The following ART4 variants were observed in gnomAD, a reference collection of about 807,000 sequenced individuals.
ART4 encodes the protein ecto-ADP-ribosyltransferase 4.
In ART4, 14 loss-of-function variants were observed where a neutral mutation model predicts 24.2. The observed-to-expected ratio is 0.58, with a 90% CI of 0.38 to 0.90. The LOEUF is 0.90. ART4 is among the 40% of genes least tolerant of loss of function. The probability of loss-of-function intolerance (pLI) is 0.00; values close to 1 mark genes in which losing one functional copy is unlikely to be tolerated. For missense variants in ART4, 356 were observed against 366.6 expected, an observed-to-expected ratio of 0.97 and a Z score of 0.24; for synonymous variants, 145 against 139.9, an observed-to-expected ratio of 1.04 and a Z score of -0.26.
intron 2 of ART4, among the ~76,000 whole-genome samples, chr12:14,832,767 A>G (rs956337010): frequency 1.3e-5 from 2 of 152,238 alleles, no homozygotes; most frequent in African/African-American, 4.8e-5. Flanking sequence ...CTTCAAAAAA[A>G]TTCATAAGTC....
intron 2 of ART4, among the ~76,000 whole-genome samples, chr12:14,832,271 G>T (rs11056198): frequency 6.6e-6 from 1 of 151,874 alleles, no homozygotes; most frequent in Non-Finnish European, 1.5e-5. Context: ...TCTCATTCCC[G>T]TACACTGGCA....
At position 14,843,216 on chromosome 12, in the gene ART4, GT is replaced by G; in HGVS notation, c.-104del. 6.8e-7 allele frequency: 1 copy of G among 1,467,370 alleles called. No homozygotes were observed. The allele number at this position is 1,467,370 out of a possible 1,614,324, so 90.9% of individuals were successfully genotyped here. ...TTTTCTTTCAGTCTCATCCGTAACC[GT>G]TTTTTCCCCTGTCTATGCTGAGCAA... On this transcript the variant is annotated 5_prime_UTR_variant, in exon 1 of 3. Coordinates refer to ENST00000228936, the MANE Select transcript of ART4 (RefSeq NM_021071.4).
intron 2 of ART4, 75 bp from the exon 3 acceptor site, chr12:14,829,537 C>A: frequency 1.0e-6 from 1 of 990,958 alleles, no homozygotes; most frequent in Non-Finnish European, 1.5e-6. Flanking sequence ...ATCCATTGAT[C>A]CACTTACTTA....
chr12:14,831,717 A>T (rs1022885924), intron 2 of ART4, among the ~76,000 whole-genome samples: 1 of 151,936 alleles, frequency 6.6e-6, no homozygotes, highest in African/African-American at 2.4e-5. Context: ...CCTCAAATTT[A>T]TCTTTCCATC....
rs967836671 is a variant in ART4 at position 14,827,674 on chromosome 12, T to C, written c.*1697A>G. The C allele has an allele frequency of 1.3e-5, 2 of 152,274 alleles. No individual in the cohort carries two copies. Among genetic ancestry groups the C allele is most frequent in the Admixed American group, 1.3e-4 (2 of 15,272 alleles). 9.4% of individuals were successfully genotyped at this position (152,274 alleles called of 1,614,324 possible). A position where few individuals can be genotyped will look rare whatever the true frequency, so the allele number is the denominator to read the frequency against. Reference sequence around the variant, plus strand: ...TCCTCGGCCTCCCAAAGTGCTGGGATTACAGGGGTGAGCCACCATGCCTGG... The same window carrying C: ...TCCTCGGCCTCCCAAAGTGCTGGGACTACAGGGGTGAGCCACCATGCCTGG... On this transcript the variant is annotated 3_prime_UTR_variant, in exon 3 of 3. Transcript: ENST00000228936.
At position 14,842,976 on chromosome 12, in the gene ART4, A is replaced by T; in HGVS notation, c.138T>A (p.Gly46=). ...CCCTCAATTGTCCCCCTACCTCAGA[A>T]CCCTCTGTGGGTCTCTGCAGGCCAG... is the stretch of plus-strand genomic sequence containing the variant. ...LLSGLQRPTE[G]SEVAIKIDFD... is the part of the protein sequence containing the mutation. The change falls in exon 1 of 3, where the codon GGT becomes GGA. Residue 46 remains glycine (G), a synonymous_variant. Transcript: ENST00000228936. 1.9e-6 allele frequency: 3 copies of T among 1,611,886 alleles called. No individual in the cohort carries two copies. Among genetic ancestry groups the T allele is most frequent in the Non-Finnish European group, 2.5e-6 (3 of 1,179,118 alleles).
chr12:14,829,466 T>TA lies in ART4; in HGVS notation c.854-5dup, dbSNP rs779626680. On this transcript the variant is annotated splice_polypyrimidine_tract_variant and splice_region_variant and intron_variant, in intron 2 of 2. Coordinates refer to ENST00000228936, the MANE Select transcript of ART4 (RefSeq NM_021071.4). ...GGGATGCATTTCTTGCTGGAAGCTG[T>TA]AAAAAACAAAACAAAGGAAATATTT... 2 of 1,602,542 alleles carry TA rather than the reference T, an allele frequency of 1.2e-6. No individual in the cohort carries two copies.
chr12:14,832,813 CT>C (rs969204174), intron 2 of ART4, among the ~76,000 whole-genome samples: 17 of 152,034 alleles, frequency 1.1e-4, no homozygotes, highest in African/African-American at 4.1e-4. Context: ...AAATAGCTTC[CT>C]TTTGATTTTA....
chr12:14,836,701 TAGTC>T lies in ART4; in HGVS notation c.853+3740_853+3743del, dbSNP rs373912868. 1.8e-4 allele frequency among the ~76,000 whole-genome samples: 27 copies of T among 152,266 alleles called. No individual in the cohort carries two copies. In the East Asian group the frequency reaches 4.4e-3, roughly 25 times the overall value. On this transcript the variant is annotated intron_variant, in intron 2 of 2. Coordinates refer to ENST00000228936, the MANE Select transcript of ART4 (RefSeq NM_021071.4). ...ATGGACCAGCCTTCTCTGCAACCCT[TAGTC>T]AGAGTCTGGGATCAAAGGAAGAAAG...
At chr12:14,841,633 A>C (rs1339858892) in intron 1 of ART4, among the ~76,000 whole-genome samples, 5 of 152,180 alleles carry the variant, frequency 3.3e-5, no homozygotes, top group Non-Finnish European at 5.9e-5. Flanking sequence ...ATAAGTAACA[A>C]CCTTCTTGTC....
rs536154601 is a variant in ART4 at position 14,838,874 on chromosome 12, G to T, written c.853+1571C>A. Among the ~76,000 whole-genome samples the T allele has an allele frequency of 1.1e-3, 166 of 151,120 alleles. 1 individual carries two copies. In the Middle Eastern group the frequency reaches 0.014, roughly 13 times the overall value. ...AACTGGGTTCCAGCTGACTGTGAGT[G>T]TGAATAAATTTACATATGAACAGTC... On this transcript the variant is annotated intron_variant, in intron 2 of 2. Coordinates refer to ENST00000228936, the MANE Select transcript of ART4 (RefSeq NM_021071.4).
intron 2 of ART4, among the ~76,000 whole-genome samples, chr12:14,834,545 T>C (rs2137300249): frequency 6.6e-6 from 1 of 152,330 alleles, no homozygotes; most frequent in Non-Finnish European, 1.5e-5. Context: ...ATTGCCTATA[T>C]TTCTCTAGAA....
Position 14,829,542 on chromosome 12 carries a change from TACTTA to T in ART4, c.854-85_854-81del, listed in dbSNP as rs1213904244. 190 of 942,698 alleles carry T rather than the reference TACTTA, an allele frequency of 2.0e-4. 2 individuals carry two copies. Among genetic ancestry groups the T allele is most frequent in the Admixed American group, 8.5e-5 (3 of 35,324 alleles). 58.4% of individuals were successfully genotyped at this position (942,698 alleles called of 1,614,324 possible). ...TACCTCATCTATCCATTGATCCACT[TACTTA>T]ACTTAGAAAATTCCTAATAAAAACA... On this transcript the variant is annotated intron_variant, in intron 2 of 2. Coordinates refer to ENST00000228936, the MANE Select transcript of ART4 (RefSeq NM_021071.4).
chr12:14,840,373 T>C (rs1950458413), intron 2 of ART4, 72 bp downstream of exon 2: 1 of 1,334,276 alleles, frequency 7.5e-7, no homozygotes, highest in Non-Finnish European at 1.0e-6. Flanking sequence ...AAAAACCCAC[T>C]GAGAAAAAAT....
At chr12:14,831,278 T>C (rs1275254447) in intron 2 of ART4, among the ~76,000 whole-genome samples, 2 of 151,562 alleles carry the variant, frequency 1.3e-5, no homozygotes, top group Non-Finnish European at 2.9e-5. Flanking sequence ...TCCATTTTTT[T>C]TTTTTTTTTT....
chr12:14,837,963 G>A (rs188783208), intron 2 of ART4, among the ~76,000 whole-genome samples: 39 of 152,292 alleles, frequency 2.6e-4, no homozygotes, highest in African/African-American at 9.1e-4. Flanking sequence ...CAAACAGAGT[G>A]GGTCTGGGCT....
rs1399143035 is a variant in ART4, at chr12:14,840,545, C to T, written c.753G>A (p.Glu251=). 6.2e-7 allele frequency: 1 copy of T among 1,614,128 alleles called. No homozygotes were observed. Among genetic ancestry groups the T allele is most frequent in the South Asian group, 1.1e-5 (1 of 91,084 alleles). ...AGCTCATATTTATAACTTTAAACAG[C>T]TCATAGGGAGGGATCAAGACTTCCT... ...LKKEVLIPPY[E]LFKVINMSYH... is the part of the protein sequence containing the mutation. The change falls in exon 2 of 3, where the codon GAG becomes GAA. Residue 251 remains glutamate (E), a synonymous_variant. Transcript: ENST00000228936.
chr12:14,833,654 G>A (rs573542281), intron 2 of ART4, among the ~76,000 whole-genome samples: 176 of 152,202 alleles, frequency 1.2e-3, no homozygotes, highest in African/African-American at 4.1e-3. Context: ...CTGCCTTAGG[G>A]TATAAAGTCT....
Position 14,843,320 on chromosome 12 carries a change from CTG to C in ART4, c.-209_-208del. 2 of 546,746 alleles carry C rather than the reference CTG, an allele frequency of 3.7e-6. No homozygotes were observed. The highest frequency in any genetic ancestry group is 6.5e-6 in the Non-Finnish European group (2 of 309,722). The allele number at this position is 546,746 out of a possible 1,614,324, so 33.9% of individuals were successfully genotyped here. On this transcript the variant is annotated 5_prime_UTR_variant, in exon 1 of 3. Coordinates refer to ENST00000228936, the MANE Select transcript of ART4 (RefSeq NM_021071.4). ...CGACTTCTTTGCAAAACTGAAATCT[CTG>C]TGAAATAGCCAGATGCGCACACCAA...
Sources: gnomAD v4.1 joint callset for allele counts (sites outside exome capture counted in the v4.1 genomes callset) on GRCh38, gnomAD v4.1.1 for gene constraint, MANE v1.5 for transcripts, NCBI Gene and HGNC (gene_info 2026-07-23, HGNC 2026-07-21) for gene names.